The following WDR72 variants were observed in gnomAD, a reference collection of about 807,000 sequenced individuals.
WDR72 encodes the protein WD repeat-containing protein 72.
A neutral mutation model predicts 124.2 loss-of-function variants in WDR72; 120 were observed. That is an observed-to-expected ratio of 0.97 (90% CI 0.83 to 1.12). The LOEUF (loss-of-function observed/expected upper bound fraction) is 1.12, where lower values mean the gene tolerates loss of function less well. Ranked by LOEUF, WDR72 falls within the 50% of genes most tolerant of loss-of-function variation. The pLI is 0.00. For synonymous variants in WDR72, 452 were observed against 441.7 expected, an observed-to-expected ratio of 1.02 and a Z score of -0.29; for missense variants, 1,387 against 1,278.8, an observed-to-expected ratio of 1.08 and a Z score of -1.29.
upstream of WDR72, among the ~76,000 whole-genome samples, chr15:53,762,285 C>T (rs962227464): frequency 6.6e-6 from 1 of 152,198 alleles, no homozygotes; most frequent in Admixed American, 6.5e-5. Context: ...CTTCTGCATC[C>T]TTTGGGACTG....
At chr15:53,613,445 T>C (rs915727617) in intron 16 of WDR72, among the ~76,000 whole-genome samples, 1 of 152,246 alleles carries the variant, frequency 6.6e-6, no homozygotes, top group Non-Finnish European at 1.5e-5. Flanking sequence ...AAATGTTTTA[T>C]AAATGTCACC....
chr15:53,671,794 C>T (rs115536054), intron 13 of WDR72, among the ~76,000 whole-genome samples: 1,801 of 152,174 alleles, frequency 0.012, 37 homozygotes, highest in African/African-American at 0.041. Flanking sequence ...CTGAATGTGA[C>T]GTGTTGTCTT....
intron 14 of WDR72, among the ~76,000 whole-genome samples, chr15:53,646,204 C>A (rs2015035962): frequency 1.3e-5 from 2 of 152,082 alleles, no homozygotes; most frequent in South Asian, 4.1e-4. Context: ...TTCTACTTCT[C>A]AAAAAACTTC....
At chr15:53,710,131 A>G (rs1012856961) in intron 9 of WDR72, among the ~76,000 whole-genome samples, 1 of 150,300 alleles carries the variant, frequency 6.7e-6, no homozygotes, top group Non-Finnish European at 1.5e-5. Context: ...CTCTCTGCCA[A>G]AAGCATAATT....
intron 17 of WDR72, among the ~76,000 whole-genome samples, chr15:53,600,771 C>T (rs1204374313): frequency 3.3e-5 from 5 of 152,130 alleles, no homozygotes; most frequent in African/African-American, 7.2e-5. Flanking sequence ...GGAAAAGCAA[C>T]ATTTCTAGCT....
At chr15:53,758,327 T>C (rs2018968735) in intron 1 of WDR72, among the ~76,000 whole-genome samples, 1 of 152,152 alleles carries the variant, frequency 6.6e-6, no homozygotes, top group African/African-American at 2.4e-5. Context: ...GACAAAATAC[T>C]TATAATTTTA....
intron 18 of WDR72, among the ~76,000 whole-genome samples, chr15:53,594,603 C>A (rs1029106772): frequency 2.7e-5 from 4 of 146,176 alleles, no homozygotes; most frequent in East Asian, 2.0e-4. Flanking sequence ...ATGTTGACAT[C>A]CCATCTGTAC....
rs528338654 is a variant in WDR72, at chr15:53,653,554, C to T, written c.1962+12018G>A. Among the ~76,000 whole-genome samples, 5 of 152,230 alleles carry T rather than the reference C, an allele frequency of 3.3e-5. No individual in the cohort carries two copies. In the South Asian group the frequency reaches 1.0e-3, roughly 32 times the overall value. On this transcript the variant is annotated intron_variant, in intron 14 of 19. Coordinates refer to ENST00000360509, the MANE Select transcript of WDR72 (RefSeq NM_182758.4). Reference sequence around the variant, plus strand: ...ATAGTTGGGGATTAAATATCTGGGTCATGGGACTGAACCTGTAGTTGACGT... The same window carrying T: ...ATAGTTGGGGATTAAATATCTGGGTTATGGGACTGAACCTGTAGTTGACGT...
chr15:53,522,651 ATACAAATAT>A (rs1233761939), intron 19 of WDR72, among the ~76,000 whole-genome samples: 3 of 152,118 alleles, frequency 2.0e-5, no homozygotes, highest in Non-Finnish European at 4.4e-5. Flanking sequence ...TAAAGGATAT[ATACAAATAT>A]GTAACTTTGA....
chr15:53,679,899 G>C (rs74015871), intron 13 of WDR72, among the ~76,000 whole-genome samples: 11,334 of 151,120 alleles, frequency 0.075, 1,088 homozygotes, highest in African/African-American at 0.22. Flanking sequence ...ACTGGAGCAA[G>C]GTCTAACAGA....
chr15:53,669,629 A>C (rs1406238654), intron 13 of WDR72, among the ~76,000 whole-genome samples: 3 of 152,196 alleles, frequency 2.0e-5, no homozygotes, highest in Non-Finnish European at 4.4e-5. Flanking sequence ...ATGATGCAGA[A>C]TGTTTCCTTA....
chr15:53,516,104 G>T lies in WDR72; in HGVS notation c.*1595C>A, dbSNP rs1013478109. ...GGCTTTTGACTGTTTCTAAAGGAGG[G>T]GGAATATATTTATCAATCAGTTTTC... On this transcript the variant is annotated 3_prime_UTR_variant, in exon 20 of 20. Coordinates refer to ENST00000360509, the MANE Select transcript of WDR72 (RefSeq NM_182758.4). The T allele has an allele frequency of 2.0e-5, 3 of 151,918 alleles. No homozygotes were observed. Among genetic ancestry groups the T allele is most frequent in the African/African-American group, 7.3e-5 (3 of 41,356 alleles). The allele number at this position is 151,918 out of a possible 1,614,324, so 9.4% of individuals were successfully genotyped here.
At chr15:53,674,292 C>G (rs1421970235) in intron 13 of WDR72, among the ~76,000 whole-genome samples, 4 of 152,190 alleles carry the variant, frequency 2.6e-5, no homozygotes, top group Non-Finnish European at 5.9e-5. Flanking sequence ...TTCAACAAAA[C>G]CACTGACTGA....
chr15:53,515,105 AC>A lies in WDR72; in HGVS notation c.*2593del, dbSNP rs1161120122. 15 of 136,094 alleles carry A rather than the reference AC, an allele frequency of 1.1e-4. No homozygotes were observed. The highest frequency in any genetic ancestry group is 8.1e-5 in the Admixed American group (1 of 12,404). 8.4% of individuals were successfully genotyped at this position (136,094 alleles called of 1,614,324 possible). ...TATGTATACACACACACACACACAC[AC>A]AAATACATTCATAAATATCACCAAG... On this transcript the variant is annotated 3_prime_UTR_variant, in exon 20 of 20. Coordinates refer to ENST00000360509, the MANE Select transcript of WDR72 (RefSeq NM_182758.4).
intron 18 of WDR72, among the ~76,000 whole-genome samples, chr15:53,529,164 AT>A (rs1221581823): frequency 0.2 from 15,248 of 77,828 alleles, 1,048 homozygotes; most frequent in Non-Finnish European, 0.22. Flanking sequence ...ATATATATAT[AT>A]TTTTTTTTTT....
chr15:53,630,311 A>G lies in WDR72; in HGVS notation c.1963-14068T>C, dbSNP rs116065293. Among the ~76,000 whole-genome samples the G allele has an allele frequency of 9.4e-3, 1,430 of 152,296 alleles. 30 individuals carry two copies. The highest frequency in any genetic ancestry group is 0.033 in the African/African-American group (1,380 of 41,568). ...TAGAGTTAATACCAGTTCTTGATAA[A>G]TATGTCCAAAAAAATAGAAGTGGTG... On this transcript the variant is annotated intron_variant, in intron 14 of 19. Transcript: ENST00000360509.
At chr15:53,548,454 G>A (rs1893583986) in intron 18 of WDR72, among the ~76,000 whole-genome samples, 1 of 152,162 alleles carries the variant, frequency 6.6e-6, no homozygotes, top group Non-Finnish European at 1.5e-5. Context: ...AATTTCGGCT[G>A]ACTTCAAAGA....
intron 13 of WDR72, among the ~76,000 whole-genome samples, chr15:53,691,143 C>G (rs2016825595): frequency 6.6e-6 from 1 of 152,104 alleles, no homozygotes. Context: ...TCAACCTCCC[C>G]AGCTCAAGTG....
intron 18 of WDR72, among the ~76,000 whole-genome samples, chr15:53,591,314 A>G (rs1481708226): frequency 6.6e-6 from 1 of 152,046 alleles, no homozygotes; most frequent in African/African-American, 2.4e-5. Flanking sequence ...CTCTTGAGTC[A>G]GTGCATAGAA....
Sources: gnomAD v4.1 joint callset for allele counts (sites outside exome capture counted in the v4.1 genomes callset) on GRCh38, gnomAD v4.1.1 for gene constraint, MANE v1.5 for transcripts, NCBI Gene and HGNC (gene_info 2026-07-23, HGNC 2026-07-21) for gene names.